Variants in BIRC6 observed in about 807,000 individuals in gnomAD.
BIRC6 encodes baculoviral IAP repeat containing 6.
A neutral mutation model predicts 503.3 loss-of-function variants in BIRC6; 98 were observed. That is an observed-to-expected ratio of 0.19 (90% CI 0.17 to 0.23). The LOEUF (loss-of-function observed/expected upper bound fraction) is 0.23. BIRC6 is among the 10% of genes least tolerant of loss of function. BIRC6 has a pLI of 1.00. For missense variants in BIRC6, 5,360 were observed against 5,806.0 expected, an observed-to-expected ratio of 0.92 and a Z score of 2.50; for synonymous variants, 2,240 against 2,078.7, an observed-to-expected ratio of 1.08 and a Z score of -2.11.
At chr2:32,577,957 C>A (rs2060375124) in intron 66 of BIRC6, among the ~76,000 whole-genome samples, 1 of 152,142 alleles carries the variant, frequency 6.6e-6, no homozygotes, top group African/African-American at 2.4e-5. Flanking sequence ...AAGCTCATTT[C>A]ATTAGATTAT....
Position 32,427,545 on chromosome 2 carries a change from C to G in BIRC6, c.2873-1601C>G, listed in dbSNP as rs535732943. 9.2e-5 allele frequency among the ~76,000 whole-genome samples: 14 copies of G among 152,322 alleles called. No homozygotes were observed. In the South Asian group the frequency reaches 2.9e-3, roughly 32 times the overall value. ...AGGTGATCCGCCCGCCTCCGTCTCCCAAGGTGCTGGGATAACAGGCGTGAG... is the reference window on the plus strand; with the variant it reads ...AGGTGATCCGCCCGCCTCCGTCTCCGAAGGTGCTGGGATAACAGGCGTGAG... On this transcript the variant is annotated intron_variant, in intron 10 of 73. Coordinates refer to ENST00000421745, the MANE Select transcript of BIRC6 (RefSeq NM_016252.4).
chr2:32,507,064 A>C (rs1023301258), intron 50 of BIRC6, among the ~76,000 whole-genome samples: 3 of 152,140 alleles, frequency 2.0e-5, no homozygotes, highest in Non-Finnish European at 4.4e-5. Context: ...ATTTTCTGGT[A>C]GTTCATTGGG....
chr2:32,423,509 A>G (rs1255273422), intron 10 of BIRC6, among the ~76,000 whole-genome samples: 1 of 152,052 alleles, frequency 6.6e-6, no homozygotes, highest in Non-Finnish European at 1.5e-5. Context: ...CTTCTGTATG[A>G]CTTTGCTTAT....
chr2:32,364,758 G>GTTT (rs368564629), intron 1 of BIRC6, among the ~76,000 whole-genome samples: 3 of 135,040 alleles, frequency 2.2e-5, no homozygotes, highest in Non-Finnish European at 3.2e-5. Flanking sequence ...TAGATCGGGT[G>GTTT]TTTTTTTTTT....
chr2:32,616,248 A>C (rs2063229307), intron 73 of BIRC6, among the ~76,000 whole-genome samples: 2 of 152,134 alleles, frequency 1.3e-5, no homozygotes, highest in South Asian at 4.1e-4. Context: ...TTCTAATGAT[A>C]GGCTGGGTGC....
At position 32,505,233 on chromosome 2, in the gene BIRC6, A is replaced by G. The variant is rs767391784; in HGVS notation, c.9700+28A>G. ...GAGTAATATTTTATAAAGAAGCATC[A>G]TGAGAACAAGCTTTAATTTAGAAAT... On this transcript the variant is annotated intron_variant, in intron 50 of 73. Transcript: ENST00000421745. 5 of 1,492,436 alleles carry G rather than the reference A, an allele frequency of 3.4e-6. No individual in the cohort carries two copies. The Admixed American group carries it at 9.8e-5, about 29-fold the overall frequency. The allele number at this position is 1,492,436 out of a possible 1,614,324, so 92.4% of individuals were successfully genotyped here.
At chr2:32,599,415 G>A (rs755167400) in intron 69 of BIRC6, among the ~76,000 whole-genome samples, 4 of 151,862 alleles carry the variant, frequency 2.6e-5, no homozygotes, top group East Asian at 3.9e-4. Context: ...CTATGCAAGC[G>A]GATCACTTGA....
At chr2:32,490,204 A>G in intron 43 of BIRC6, 53 bp downstream of exon 43, 1 of 1,403,612 alleles carries the variant, frequency 7.1e-7, no homozygotes, top group South Asian at 1.2e-5. Flanking sequence ...TTAGTGTTCT[A>G]CTATTGGATT....
At chr2:32,363,425 A>G (rs956915676) in intron 1 of BIRC6, among the ~76,000 whole-genome samples, 11 of 151,976 alleles carry the variant, frequency 7.2e-5, no homozygotes, top group East Asian at 1.9e-4. Flanking sequence ...TGAACTTCCT[A>G]AGGTTTTTTT....
chr2:32,440,133 C>G (rs1558730029), intron 16 of BIRC6, among the ~76,000 whole-genome samples: 1 of 152,178 alleles, frequency 6.6e-6, no homozygotes, highest in Non-Finnish European at 1.5e-5. Flanking sequence ...CCACCTTGGC[C>G]TCTCAAAGTG....
chr2:32,443,467 T>C (rs1274112334), intron 19 of BIRC6, 24 bp from the exon 20 acceptor site: 1 of 1,536,234 alleles, frequency 6.5e-7, no homozygotes, highest in Non-Finnish European at 8.8e-7. Flanking sequence ...GTCTTTACAA[T>C]TTTTCTTTTT....
chr2:32,431,150 A>G, intron 12 of BIRC6, 60 bp downstream of exon 12: 2 of 911,124 alleles, frequency 2.2e-6, no homozygotes, highest in African/African-American at 1.7e-5. Context: ...GTCAGAGACA[A>G]CGTAGAATTC....
chr2:32,387,058 G>A (rs1275371265), intron 3 of BIRC6, among the ~76,000 whole-genome samples: 1 of 152,146 alleles, frequency 6.6e-6, no homozygotes, highest in Non-Finnish European at 1.5e-5. Flanking sequence ...TTGGACCACA[G>A]TGATGTTTTA....
At chr2:32,387,548 A>G (rs2038647466) in intron 3 of BIRC6, among the ~76,000 whole-genome samples, 1 of 152,154 alleles carries the variant, frequency 6.6e-6, no homozygotes, top group Admixed American at 6.5e-5. Flanking sequence ...TTAAATAATC[A>G]TGGCTAACAT....
chr2:32,470,946 A>G lies in BIRC6; in HGVS notation c.6482-68A>G, dbSNP rs1391510658. On this transcript the variant is annotated intron_variant, in intron 31 of 73. Coordinates refer to ENST00000421745, the MANE Select transcript of BIRC6 (RefSeq NM_016252.4). ...TTATAGAATGTTTTGTTTCACTTAT[A>G]TTATCAGATCTAATTAGGAATCCTA... 2.1e-6 allele frequency: 3 copies of G among 1,462,438 alleles called. No homozygotes were observed. In the African/African-American group the frequency reaches 4.2e-5, roughly 21 times the overall value. 90.6% of individuals were successfully genotyped at this position (1,462,438 alleles called of 1,614,324 possible).
intron 66 of BIRC6, among the ~76,000 whole-genome samples, chr2:32,587,867 T>C (rs554330423): frequency 2.0e-5 from 3 of 152,296 alleles, no homozygotes; most frequent in African/African-American, 7.2e-5. Flanking sequence ...TATCCTATGA[T>C]AGGAGATTAA....
intron 8 of BIRC6, among the ~76,000 whole-genome samples, chr2:32,403,809 T>C (rs2149781640): frequency 6.6e-6 from 1 of 152,314 alleles, no homozygotes; most frequent in East Asian, 1.9e-4. Flanking sequence ...GCATGCTTAT[T>C]GCAGGAAAAT....
chr2:32,452,039 G>T (rs1205912385), intron 22 of BIRC6, among the ~76,000 whole-genome samples: 1 of 152,144 alleles, frequency 6.6e-6, no homozygotes, highest in Non-Finnish European at 1.5e-5. Flanking sequence ...AGTTTGAGAA[G>T]TTCATTGGTA....
At chr2:32,555,511 G>C (rs1266441044) in intron 65 of BIRC6, among the ~76,000 whole-genome samples, 1 of 151,966 alleles carries the variant, frequency 6.6e-6, no homozygotes, top group Non-Finnish European at 1.5e-5. Flanking sequence ...GGTGGCGCAT[G>C]CCTGTAATCC....
Sources: gnomAD v4.1 joint callset for allele counts (sites outside exome capture counted in the v4.1 genomes callset) on GRCh38, gnomAD v4.1.1 for gene constraint, MANE v1.5 for transcripts, NCBI Gene and HGNC (gene_info 2026-07-23, HGNC 2026-07-21) for gene names.